GRID2: variants seen among roughly 807,000 people sequenced by gnomAD.
The protein encoded by GRID2 is glutamate ionotropic receptor delta type subunit 2.
A neutral mutation model predicts 114.8 loss-of-function variants in GRID2; 33 were observed. The ratio of observed to expected loss-of-function variants is 0.29; its 90% confidence interval spans 0.22 to 0.38. The LOEUF is 0.38. Among genes scored for constraint, GRID2 ranks in the 10% least tolerant of loss-of-function variants. The pLI, the probability that GRID2 is intolerant of heterozygous loss-of-function variation, is 1.00. For synonymous variants in GRID2, 505 were observed against 449.9 expected (o/e 1.12, Z -1.55); for missense variants, 1,184 against 1,257.7 (o/e 0.94, Z 0.89).
intron 8 of GRID2, among the ~76,000 whole-genome samples, chr4:93,262,669 T>G (rs1463225002): frequency 1.3e-5 from 2 of 151,996 alleles, no homozygotes; most frequent in African/African-American, 4.8e-5. Context: ...TGTTGATATT[T>G]TGATGATTTC....
intron 1 of GRID2, among the ~76,000 whole-genome samples, chr4:92,588,555 T>G (rs1190844193): frequency 1.3e-5 from 2 of 151,512 alleles, no homozygotes; most frequent in African/African-American, 4.8e-5. Flanking sequence ...GGCAGGTGCC[T>G]GTAGTCCCAG....
chr4:92,600,071 T>A (rs1446993039), intron 2 of GRID2, among the ~76,000 whole-genome samples: 2 of 135,556 alleles, frequency 1.5e-5, no homozygotes, highest in Admixed American at 7.3e-5. Flanking sequence ...TATATATATA[T>A]ATATATATAT....
intron 10 of GRID2, among the ~76,000 whole-genome samples, chr4:93,445,381 T>C (rs1722002859): frequency 6.6e-6 from 1 of 151,986 alleles, no homozygotes; most frequent in Non-Finnish European, 1.5e-5. Flanking sequence ...AGGAAGAAAA[T>C]AGGCTGATTT....
chr4:92,339,559 T>C (rs539236588), intron 1 of GRID2, among the ~76,000 whole-genome samples: 1 of 152,214 alleles, frequency 6.6e-6, no homozygotes, highest in Non-Finnish European at 1.5e-5. Flanking sequence ...TAAATGGAGA[T>C]GGAACTGTGG....
chr4:92,666,650 G>GTTGTTTT (rs1732792716), intron 2 of GRID2, among the ~76,000 whole-genome samples: 1 of 68,594 alleles, frequency 1.5e-5, no homozygotes, highest in Non-Finnish European at 2.8e-5. Context: ...CTTAAGGGTT[G>GTTGTTTT]TTTTTTTTTT....
chr4:93,145,910 G>A (rs369108427), intron 4 of GRID2, among the ~76,000 whole-genome samples: 6 of 151,218 alleles, frequency 4.0e-5, no homozygotes, highest in African/African-American at 1.5e-4. Context: ...AGTGATGATC[G>A]AATGTCATGC....
chr4:93,039,812 A>G (rs1291424184), intron 2 of GRID2, among the ~76,000 whole-genome samples: 1 of 152,204 alleles, frequency 6.6e-6, no homozygotes, highest in East Asian at 1.9e-4. Flanking sequence ...GTTAATAACA[A>G]TACTCAGCTT....
rs1398034723 is a variant in GRID2, at chr4:92,652,446, G to A, written c.244+62160G>A. On this transcript the variant is annotated intron_variant, in intron 2 of 15. Coordinates refer to ENST00000282020, the MANE Select transcript of GRID2 (RefSeq NM_001510.4). The stretch of plus-strand genomic sequence containing the variant: ...TATTCCCAGAACTTTGGGAGGATAA[G>A]TCAGGAGGAATGCTAGAGGCCAGGA... Among the ~76,000 whole-genome samples the A allele has an allele frequency of 2.0e-5, 3 of 151,744 alleles. No individual in the cohort carries two copies. In the South Asian group the frequency reaches 6.2e-4, roughly 31 times the overall value.
Position 93,754,082 on chromosome 4 carries a change from G to A in GRID2, c.2361-15128G>A, listed in dbSNP as rs575488943. 6.6e-5 allele frequency among the ~76,000 whole-genome samples: 10 copies of A among 152,212 alleles called. No individual in the cohort carries two copies. In the South Asian group the frequency reaches 1.2e-3, roughly 19 times the overall value. On this transcript the variant is annotated intron_variant, in intron 14 of 15. Coordinates refer to ENST00000282020, the MANE Select transcript of GRID2 (RefSeq NM_001510.4). The stretch of plus-strand genomic sequence containing the variant: ...TCTACAAACCTGCACTGAAGACTGT[G>A]GGTAATAGTAGCACAATGGTAAGTA...
intron 1 of GRID2, among the ~76,000 whole-genome samples, chr4:92,413,328 G>GT (rs1016828222): frequency 4.6e-5 from 7 of 151,912 alleles, no homozygotes; most frequent in Non-Finnish European, 7.4e-5. Context: ...ATGTATGTTA[G>GT]TTTTTTTTAA....
chr4:93,494,242 A>G (rs35842626), intron 12 of GRID2, among the ~76,000 whole-genome samples: 5,920 of 151,888 alleles, frequency 0.039, 135 homozygotes, highest in South Asian at 0.061. Flanking sequence ...TCAATGTACT[A>G]TTTCCAGCCC....
At chr4:93,252,879 A>G (rs1167042312) in intron 8 of GRID2, among the ~76,000 whole-genome samples, 1 of 151,990 alleles carries the variant, frequency 6.6e-6, no homozygotes, top group African/African-American at 2.4e-5. Context: ...GACTGTTGGT[A>G]TATAGGAAAT....
intron 2 of GRID2, among the ~76,000 whole-genome samples, chr4:93,039,895 TATATG>T (rs1406118395): frequency 6.6e-6 from 1 of 152,106 alleles, no homozygotes; most frequent in Non-Finnish European, 1.5e-5. Flanking sequence ...TTTCTGAAAA[TATATG>T]GTATTAGTGT....
At chr4:93,022,077 T>C (rs1001938267) in intron 2 of GRID2, among the ~76,000 whole-genome samples, 8 of 151,588 alleles carry the variant, frequency 5.3e-5, no homozygotes, top group African/African-American at 1.4e-4. Flanking sequence ...CCCTCCAAAC[T>C]CTTATTCTTG....
chr4:92,588,344 T>A (rs1728548858), intron 1 of GRID2, among the ~76,000 whole-genome samples: 1 of 152,046 alleles, frequency 6.6e-6, no homozygotes, highest in African/African-American at 2.4e-5. Context: ...AGTAAACATC[T>A]GATAACATAT....
At chr4:92,666,271 C>T (rs1248357646) in intron 2 of GRID2, among the ~76,000 whole-genome samples, 2 of 151,400 alleles carry the variant, frequency 1.3e-5, no homozygotes, top group South Asian at 2.1e-4. Flanking sequence ...TTTTAAAATA[C>T]TCTATTTATA....
At chr4:92,370,875 G>T (rs1729085947) in intron 1 of GRID2, among the ~76,000 whole-genome samples, 1 of 152,138 alleles carries the variant, frequency 6.6e-6, no homozygotes, top group Non-Finnish European at 1.5e-5. Context: ...AGTTGTAAAT[G>T]CAAATGAAAA....
At chr4:93,546,640 G>A (rs553121473) in intron 13 of GRID2, among the ~76,000 whole-genome samples, 1 of 152,106 alleles carries the variant, frequency 6.6e-6, no homozygotes. Context: ...TAAAATGAAA[G>A]TAATGACTCT....
intron 14 of GRID2, among the ~76,000 whole-genome samples, chr4:93,663,896 A>G (rs777460350): frequency 6.6e-6 from 1 of 152,198 alleles, no homozygotes; most frequent in Non-Finnish European, 1.5e-5. Flanking sequence ...TCTTTCTCAT[A>G]CATCACCTGG....
Sources: allele counts gnomAD v4.1 joint callset (sites outside exome capture counted in the v4.1 genomes callset), GRCh38; gene constraint gnomAD v4.1.1; transcripts MANE v1.5; gene names NCBI Gene and HGNC (gene_info 2026-07-23, HGNC 2026-07-21).